The following IGSF9B variants were observed in gnomAD, a reference collection of about 807,000 sequenced individuals.
IGSF9B encodes protein turtle homolog B.
A neutral mutation model predicts 143.7 loss-of-function variants in IGSF9B; 48 were observed. The ratio of observed to expected loss-of-function variants is 0.33; its 90% confidence interval spans 0.26 to 0.42. IGSF9B has a LOEUF of 0.42. Ranked by LOEUF, IGSF9B falls within the 20% of genes least tolerant of loss-of-function variation. The probability of loss-of-function intolerance (pLI) is 1.00; values close to 1 mark genes in which losing one functional copy is unlikely to be tolerated. For synonymous variants in IGSF9B, 903 were observed against 833.1 expected (o/e 1.08, Z -1.44); for missense variants, 1,706 against 1,980.0 (o/e 0.86, Z 2.63).
chr11:133,946,061 C>T lies in IGSF9B; in HGVS notation c.262G>A (p.Gly88Ser). The T allele has an allele frequency of 6.4e-7, 1 of 1,564,172 alleles. No homozygotes were observed. The highest frequency in any genetic ancestry group is 8.7e-7 in the Non-Finnish European group (1 of 1,153,586). The change falls in exon 2 of 20, where the codon GGC becomes AGC. Residue 88 changes from glycine to serine, a missense_variant and splice_region_variant. By Grantham distance (56) the Gly-to-Ser change is moderately conservative (BLOSUM62 0). Transcript: ENST00000533871. ...YPPHVDPEYA[G>S]RASLHDKASL... ...GGGAGACCGGGTGCCCAGACCTTAC[C>T]TGCATACTCAGGGTCCACGTGCGGC...
chr11:133,907,179 C>T lies in IGSF9B; in HGVS notation c.*1890G>A, dbSNP rs553217715. 1.3e-4 allele frequency among the ~76,000 whole-genome samples: 20 copies of T among 152,246 alleles called. No individual in the cohort carries two copies. The East Asian group carries it at 2.5e-3, about 19-fold the overall frequency. ...TTCAGATGTGTTCAGAAAGGAACTGCGGTGGTGTTACTTGCACGGTAAACC... is the reference window on the plus strand; with the variant it reads ...TTCAGATGTGTTCAGAAAGGAACTGTGGTGGTGTTACTTGCACGGTAAACC... On this transcript the variant is annotated 3_prime_UTR_variant, in exon 20 of 20. Coordinates refer to ENST00000533871, the MANE Select transcript of IGSF9B (RefSeq NM_001277285.4).
Position 133,936,107 on chromosome 11 carries a change from G to A in IGSF9B, c.767C>T (p.Pro256Leu). The change falls in exon 6 of 20, where the codon CCG becomes CTG. Residue 256 changes from proline to leucine, a missense_variant. Transcript: ENST00000533871. ...GTACCAGGTGTAGGTGAGGTTGCCC[G>A]GATACGCCTCTGCCCGGCAGGTGAG... ...ALLTCRAEAY[P>L]GNLTYTWYWQ... 1 of 1,613,632 alleles carries A rather than the reference G, an allele frequency of 6.2e-7. No homozygotes were observed. Among genetic ancestry groups the A allele is most frequent in the Non-Finnish European group, 8.5e-7 (1 of 1,179,742 alleles).
rs369385378 is a variant in IGSF9B at position 133,929,594 on chromosome 11, G to A, written c.1631+77C>T. ...AGCCTCCTCCTACCTCCCCCCACCC[G>A]GGGTAGCCTGCAGGAAGACCGGGGA... On this transcript the variant is annotated intron_variant, in intron 12 of 19. Coordinates refer to ENST00000533871, the MANE Select transcript of IGSF9B (RefSeq NM_001277285.4). The A allele has an allele frequency of 1.1e-4, 120 of 1,085,104 alleles. 1 individual carries two copies. The South Asian group carries it at 1.2e-3, about 11-fold the overall frequency. 67.2% of individuals were successfully genotyped at this position (1,085,104 alleles called of 1,614,324 possible). A position where few individuals can be genotyped will look rare whatever the true frequency, so the allele number is the denominator to read the frequency against.
rs201122392 is a variant in IGSF9B, at chr11:133,925,777, C to T, written c.1996G>A (p.Gly666Ser). Residue 666 changes from glycine (G) to serine (S), a missense_variant, in exon 14 of 20, where the codon GGC becomes AGC. This residue lies in a region of IGSF9B where 267 missense variants were observed against 321.1 expected (regional missense o/e 0.83). Transcript: ENST00000533871. The stretch of plus-strand genomic sequence containing the variant: ...TTGGCAAAGAACTCTCCTTCGGTGC[C>T]GGGGATGCCATCGTCGAGCAACTCC... The part of the protein sequence containing the change: ...RWELLDDGIP[G>S]TEGEFFAKDL... 1.4e-5 allele frequency: 22 copies of T among 1,613,636 alleles called. No individual in the cohort carries two copies. The highest frequency in any genetic ancestry group is 1.6e-4 in the Middle Eastern group (1 of 6,084).
intron 1 of IGSF9B, among the ~76,000 whole-genome samples, chr11:133,950,914 C>T (rs1470915966): frequency 6.6e-6 from 1 of 152,174 alleles, no homozygotes; most frequent in East Asian, 1.9e-4. Flanking sequence ...GACTTCCAAA[C>T]CACAGGCCTG....
intron 2 of IGSF9B, among the ~76,000 whole-genome samples, chr11:133,944,897 A>G (rs796624084): frequency 6.6e-6 from 1 of 152,058 alleles, no homozygotes; most frequent in Non-Finnish European, 1.5e-5. Context: ...CCAGGATGCT[A>G]GGGTCCCCTC....
At position 133,901,785 on chromosome 11, in the gene IGSF9B, C is replaced by T. The variant is rs1939124534; in HGVS notation, c.*7284G>A. On this transcript the variant is annotated 3_prime_UTR_variant, in exon 20 of 20. Coordinates refer to ENST00000533871, the MANE Select transcript of IGSF9B (RefSeq NM_001277285.4). Reference sequence around the variant, plus strand: ...CAAATCAGCATGTCTGTACAAATCTCTCTCACACACACCACACACAACAGA... The same window carrying T: ...CAAATCAGCATGTCTGTACAAATCTTTCTCACACACACCACACACAACAGA... 6.9e-6 allele frequency among the ~76,000 whole-genome samples: 1 copy of T among 144,206 alleles called. No homozygotes were observed. The highest frequency in any genetic ancestry group is 2.3e-4 in the South Asian group (1 of 4,410). 94.6% of individuals were successfully genotyped at this position (144,206 alleles called of 152,430 possible). A position where few individuals can be genotyped will look rare whatever the true frequency, so the allele number is the denominator to read the frequency against.
chr11:133,920,504 G>A lies in IGSF9B; in HGVS notation c.3221C>T (p.Ala1074Val), dbSNP rs1335630665. 6.3e-7 allele frequency: 1 copy of A among 1,592,906 alleles called. No individual in the cohort carries two copies. Among genetic ancestry groups the A allele is most frequent in the Non-Finnish European group, 8.6e-7 (1 of 1,169,164 alleles). The change falls in exon 18 of 20, where the codon GCC (alanine) becomes GTC (valine). Residue 1074 changes from alanine (A) to valine (V), a missense_variant. Coordinates refer to ENST00000533871, the MANE Select transcript of IGSF9B (RefSeq NM_001277285.4). ...CDVPESLQPKAGLPRGLPPTS... is the reference protein window; with the variant it reads ...CDVPESLQPKVGLPRGLPPTS... ...GGGGGGCAGTCCTCGGGGGAGGCCG[G>A]CCTTGGGCTGCAGACTCTCGGGCAC...
rs535825848 is a variant in IGSF9B, at chr11:133,913,378, A to G, written c.3984-1371T>C. The stretch of plus-strand genomic sequence containing the variant: ...AAGCCTGCAGTCTCTTCTCCCCAGC[A>G]TCAAATATGTTGGCAGCAAGGCGGG... On this transcript the variant is annotated intron_variant, in intron 18 of 19. Transcript: ENST00000533871. This position sits in a 1 kb window ranked among gnomAD's most constrained non-coding sequence, Gnocchi z 4.6. Among the ~76,000 whole-genome samples the G allele has an allele frequency of 6.8e-4, 103 of 152,258 alleles. No homozygotes were observed. The highest frequency in any genetic ancestry group is 2.4e-3 in the African/African-American group (98 of 41,560).
chr11:133,925,372 C>T (rs937466121), intron 14 of IGSF9B, among the ~76,000 whole-genome samples: 10 of 152,204 alleles, frequency 6.6e-5, no homozygotes, highest in African/African-American at 2.2e-4. Flanking sequence ...CTGGACACAC[C>T]TAGAAGAGAA....
chr11:133,927,115 T>C (rs1483498249), intron 12 of IGSF9B, 24 bp from the exon 13 acceptor site: 1 of 1,532,694 alleles, frequency 6.5e-7, no homozygotes, highest in Non-Finnish European at 8.8e-7. Flanking sequence ...AGAGACAGGA[T>C]AGGGGACGAG....
chr11:133,904,953 C>T lies in IGSF9B; in HGVS notation c.*4116G>A, dbSNP rs571259183. On this transcript the variant is annotated 3_prime_UTR_variant, in exon 20 of 20. Coordinates refer to ENST00000533871, the MANE Select transcript of IGSF9B (RefSeq NM_001277285.4). ...CACATGGGGCTCTACACACTGCCTA[C>T]TAGATCCACTTTATATGAAGAAGAT... Among the ~76,000 whole-genome samples, 1 of 150,070 alleles carries T rather than the reference C, an allele frequency of 6.7e-6. No homozygotes were observed. Among genetic ancestry groups the T allele is most frequent in the Non-Finnish European group, 1.5e-5 (1 of 67,670 alleles).
Position 133,920,332 on chromosome 11 carries a change from G to T in IGSF9B, c.3393C>A (p.Ser1131Arg). 6.3e-7 allele frequency: 1 copy of T among 1,595,182 alleles called. No homozygotes were observed. Among genetic ancestry groups the T allele is most frequent in the South Asian group, 1.1e-5 (1 of 89,354 alleles). The change falls in exon 18 of 20, where the codon AGC (serine) becomes AGA (arginine). Residue 1131 changes from serine (S) to arginine (R), a missense_variant. By Grantham distance (110) the Ser-to-Arg change is moderately radical. This residue lies in a region of IGSF9B where 880 missense variants were observed against 762.9 expected (regional missense o/e 1.15). Coordinates refer to ENST00000533871, the MANE Select transcript of IGSF9B (RefSeq NM_001277285.4). ...GGCTTGTATGTCGCAGCTGCCCTTG[G>T]CTTACCAGAGGTTGCATAGGTCTGT... is the stretch of plus-strand genomic sequence containing the variant. ...WQDRPMQPLV[S>R]QGQLRHTSQG...
At chr11:133,918,980 G>A (rs992289913) in intron 18 of IGSF9B, 1 of 474,676 alleles carries the variant, frequency 2.1e-6, no homozygotes, top group Non-Finnish European at 4.4e-6. Context: ...AGGGAAGAAG[G>A]ATGAGAGAAG....
chr11:133,949,772 A>G, intron 1 of IGSF9B, among the ~76,000 whole-genome samples: 1 of 150,738 alleles, frequency 6.6e-6, no homozygotes, highest in East Asian at 2.0e-4. Flanking sequence ...GAGGAAGGGG[A>G]GGGTGGAGTG....
chr11:133,931,813 T>C lies in IGSF9B; in HGVS notation c.1111-18A>G, dbSNP rs576642065. ...CCGAGGTTCTGCCAGACACAGACGATAGGGCAGGGAACGCTGGTCAGAGAC... is the reference window on the plus strand; with the variant it reads ...CCGAGGTTCTGCCAGACACAGACGACAGGGCAGGGAACGCTGGTCAGAGAC... On this transcript the variant is annotated intron_variant, in intron 8 of 19. Transcript: ENST00000533871. This position sits in a 1 kb window ranked among gnomAD's most constrained non-coding sequence, Gnocchi z 7.7. 47 of 1,610,166 alleles carry C rather than the reference T, an allele frequency of 2.9e-5. No homozygotes were observed. The highest frequency in any genetic ancestry group is 2.0e-4 in the African/African-American group (15 of 74,752).
At position 133,920,657 on chromosome 11, in the gene IGSF9B, C is replaced by G. The variant is rs1939510903; in HGVS notation, c.3068G>C (p.Ser1023Thr). The G allele has an allele frequency of 6.2e-7, 1 of 1,613,388 alleles. No individual in the cohort carries two copies. The highest frequency in any genetic ancestry group is 8.5e-7 in the Non-Finnish European group (1 of 1,179,838). ...AGGTGTCTGAGTCAAGGGCAGCGTG[C>G]TGTTGGATGCATTCTCTCCATTCTC... ...PEENGENASNSTLPLTQTPTG... is the reference protein window; with the variant it reads ...PEENGENASNTTLPLTQTPTG... The change falls in exon 18 of 20, where the codon AGC becomes ACC. Residue 1023 changes from serine to threonine, a missense_variant. Ser to Thr is a moderately conservative substitution (Grantham distance 58, BLOSUM62 1). This residue lies in a region of IGSF9B where 880 missense variants were observed against 762.9 expected (regional missense o/e 1.15). Coordinates refer to ENST00000533871, the MANE Select transcript of IGSF9B (RefSeq NM_001277285.4).
At chr11:133,947,161 C>T (rs1307012851) in intron 1 of IGSF9B, among the ~76,000 whole-genome samples, 6 of 152,148 alleles carry the variant, frequency 3.9e-5, no homozygotes, top group Non-Finnish European at 7.4e-5. Context: ...CACCCCACCA[C>T]AAGCTAGAGG....
At chr11:133,956,009 C>T (rs1484935094) in intron 1 of IGSF9B, among the ~76,000 whole-genome samples, 2 of 151,872 alleles carry the variant, frequency 1.3e-5, no homozygotes, top group East Asian at 3.9e-4. Flanking sequence ...CTGGCCGGGG[C>T]CCAGGTGCGG....
Sources: allele counts gnomAD v4.1 joint callset (sites outside exome capture counted in the v4.1 genomes callset), GRCh38; gene constraint gnomAD v4.1.1; regional missense constraint gnomAD v4.1.1; non-coding constraint Gnocchi (gnomAD v3.1); transcripts MANE v1.5; gene names NCBI Gene and HGNC (gene_info 2026-07-23, HGNC 2026-07-21).